The following ACO1 variants were observed in gnomAD, a reference collection of about 807,000 sequenced individuals.
ACO1 encodes the protein cytoplasmic aconitate hydratase.
A neutral mutation model predicts 105.1 loss-of-function variants in ACO1; 78 were observed. The ratio of observed to expected loss-of-function variants is 0.74; its 90% CI spans 0.62 to 0.90. The LOEUF (loss-of-function observed/expected upper bound fraction) is 0.90. Among genes scored for constraint, ACO1 ranks in the 40% least tolerant of loss-of-function variants. ACO1 has a pLI of 0.00. For missense variants in ACO1, 965 were observed against 1,111.1 expected, an observed-to-expected ratio of 0.87 and a Z score of 1.87; for synonymous variants, 364 against 397.4, an observed-to-expected ratio of 0.92 and a Z score of 1.00.
Position 32,404,373 on chromosome 9 carries a change from G to A in ACO1, c.-22-1112G>A, listed in dbSNP as rs151310639. On this transcript the variant is annotated intron_variant, in intron 1 of 20. Coordinates refer to ENST00000309951, the MANE Select transcript of ACO1 (RefSeq NM_002197.3). ...TTCAGTTTCTGCCATGCACTTGCCCGCCTGGTTACCTGCCACCTCTGGTCG... is the reference window on the plus strand; with the variant it reads ...TTCAGTTTCTGCCATGCACTTGCCCACCTGGTTACCTGCCACCTCTGGTCG... Among the ~76,000 whole-genome samples the A allele has an allele frequency of 2.2e-3, 332 of 152,062 alleles. 4 individuals are homozygous for A. Among genetic ancestry groups the A allele is most frequent in the African/African-American group, 7.2e-3 (299 of 41,462 alleles).
intron 2 of ACO1, 145 bp from the exon 3 acceptor site, chr9:32,407,116 A>G (rs1821628594): frequency 2.8e-6 from 2 of 726,830 alleles, no homozygotes. Context: ...ATATCCATGT[A>G]TTTTAAACTG....
At position 32,433,729 on chromosome 9, in the gene ACO1, C is replaced by T; in HGVS notation, c.1853C>T (p.Thr618Ile). 1 of 1,598,908 alleles carries T rather than the reference C, an allele frequency of 6.3e-7. No individual in the cohort carries two copies. The highest frequency in any genetic ancestry group is 8.5e-7 in the Non-Finnish European group (1 of 1,175,932). The change falls in exon 16 of 21, where the codon ACT (threonine) becomes ATT (isoleucine). Residue 618 changes from threonine (T) to isoleucine (I), a missense_variant and splice_region_variant. Coordinates refer to ENST00000309951, the MANE Select transcript of ACO1 (RefSeq NM_002197.3). ...TCTGCCTTTCTTTTCTTTTTTAAGA[C>T]TGTGAATGAAAGCTGGAATGCCTTA... ...MFKEVYQKIE[T>I]VNESWNALAT...
At chr9:32,422,915 G>A (rs984830675) in intron 8 of ACO1, among the ~76,000 whole-genome samples, 4 of 152,170 alleles carry the variant, frequency 2.6e-5, no homozygotes, top group Non-Finnish European at 4.4e-5. Flanking sequence ...GTTGGGATGC[G>A]TTTTAATTTT....
intron 2 of ACO1, 64 bp from the exon 3 acceptor site, chr9:32,407,197 G>T: frequency 6.8e-7 from 1 of 1,474,248 alleles, no homozygotes; most frequent in Non-Finnish European, 9.4e-7. Flanking sequence ...ATAGAGATTG[G>T]CCTTAAAGAG....
intron 1 of ACO1, among the ~76,000 whole-genome samples, chr9:32,385,896 TG>T (rs1281685716): frequency 6.6e-6 from 1 of 152,238 alleles, no homozygotes; most frequent in Non-Finnish European, 1.5e-5. Context: ...GCCTGCTTCT[TG>T]TTTGTGATCC....
chr9:32,391,122 A>T (rs1821259569), intron 1 of ACO1, among the ~76,000 whole-genome samples: 1 of 152,244 alleles, frequency 6.6e-6, no homozygotes, highest in Non-Finnish European at 1.5e-5. Context: ...TAGTTCCCAG[A>T]ATATGCAGTG....
chr9:32,436,527 T>C lies in ACO1; in HGVS notation c.2247+130T>C, dbSNP rs915689924. 3.8e-5 allele frequency: 40 copies of C among 1,041,182 alleles called. No homozygotes were observed. The African/African-American group carries it at 4.4e-4, about 12-fold the overall frequency. The allele number at this position is 1,041,182 out of a possible 1,614,324, so 64.5% of individuals were successfully genotyped here. On this transcript the variant is annotated intron_variant, in intron 18 of 20. Transcript: ENST00000309951. ...CTCCATCCTACCCTAACTACAGTCC[T>C]CCTTGCCAGGTGTCCATATGCATAG...
intron 11 of ACO1, among the ~76,000 whole-genome samples, chr9:32,426,411 C>T (rs1822099296): frequency 6.6e-6 from 1 of 152,188 alleles, no homozygotes; most frequent in African/African-American, 2.4e-5. Context: ...AGGGCACTGG[C>T]TGATAAAACC....
chr9:32,409,708 G>T lies in ACO1; in HGVS notation c.404+1057G>T, dbSNP rs983158083. Among the ~76,000 whole-genome samples, 15 of 152,038 alleles carry T rather than the reference G, an allele frequency of 9.9e-5. No individual in the cohort carries two copies. The East Asian group carries it at 2.9e-3, about 29-fold the overall frequency. ...TCTACAAATAACTTTTTAAAAATTA[G>T]CCATGTGTGGTGGTGTGTGCCTGTG... On this transcript the variant is annotated intron_variant, in intron 4 of 20. Transcript: ENST00000309951.
In ACO1 at chr9:32,449,221, C is replaced by CTAGCATCTTTT; in HGVS notation, c.2556+141_2556+151dup. ...GACTGCATTAGACTTAGGAGGCCTA[C>CTAGCATCTTTT]TAGCATCTTTTCTACCTGCCTTCAT... On this transcript the variant is annotated intron_variant, in intron 20 of 20. Coordinates refer to ENST00000309951, the MANE Select transcript of ACO1 (RefSeq NM_002197.3). 4.0e-6 allele frequency: 3 copies of CTAGCATCTTTT among 743,788 alleles called. No homozygotes were observed. The South Asian group carries it at 5.9e-5, about 15-fold the overall frequency. 46.1% of individuals were successfully genotyped at this position (743,788 alleles called of 1,614,324 possible). A position where few individuals can be genotyped will look rare whatever the true frequency, so the allele number is the denominator to read the frequency against.
At chr9:32,424,698 C>T (rs377094927) in intron 10 of ACO1, 33 bp downstream of exon 10, 192 of 1,406,108 alleles carry the variant, frequency 1.4e-4, no homozygotes, top group Non-Finnish European at 1.8e-4. Flanking sequence ...TGAATCCTCT[C>T]AACTCTACCT....
intron 7 of ACO1, among the ~76,000 whole-genome samples, chr9:32,419,983 T>C (rs1174021897): frequency 1.3e-5 from 2 of 152,262 alleles, no homozygotes; most frequent in African/African-American, 2.4e-5. Flanking sequence ...CTCTCTGATT[T>C]AATTTTTGTG....
In ACO1 at chr9:32,454,110, C is replaced by G. The variant is rs980971023; in HGVS notation, c.*3999C>G. ...TGTTAACAGTGTCCCCTGAGTAAAACAGTTCCACGGTCAGTACATTTGGGA... is the reference window on the plus strand; with the variant it reads ...TGTTAACAGTGTCCCCTGAGTAAAAGAGTTCCACGGTCAGTACATTTGGGA... On this transcript the variant is annotated 3_prime_UTR_variant, in exon 21 of 21. Coordinates refer to ENST00000309951, the MANE Select transcript of ACO1 (RefSeq NM_002197.3). The G allele has an allele frequency of 2.0e-5, 3 of 152,198 alleles. No homozygotes were observed. Among genetic ancestry groups the G allele is most frequent in the African/African-American group, 7.2e-5 (3 of 41,454 alleles). 9.4% of individuals were successfully genotyped at this position (152,198 alleles called of 1,614,324 possible).
intron 1 of ACO1, among the ~76,000 whole-genome samples, chr9:32,395,223 C>A (rs1254668389): frequency 6.6e-6 from 1 of 152,090 alleles, no homozygotes; most frequent in Non-Finnish European, 1.5e-5. Flanking sequence ...CACCTATAAC[C>A]CCAGCAATTT....
chr9:32,395,424 C>T (rs758990529), intron 1 of ACO1, among the ~76,000 whole-genome samples: 27 of 152,032 alleles, frequency 1.8e-4, no homozygotes, highest in African/African-American at 5.8e-4. Context: ...TGCAGTGAGC[C>T]GAGATTACGC....
intron 1 of ACO1, among the ~76,000 whole-genome samples, chr9:32,384,986 T>G (rs1821126137): frequency 6.6e-6 from 1 of 152,232 alleles, no homozygotes; most frequent in South Asian, 2.1e-4. Context: ...TCCTAGACCC[T>G]TCTTAGCCTT....
chr9:32,420,922 T>C lies in ACO1; in HGVS notation c.865T>C (p.Ser289Pro). ...CTTCGGGCCTGGAGTAGCCCAGTTG[T>C]CCATTGCTGACCGAGCTACGATTGC... ...EFFGPGVAQL[S>P]IADRATIANM... Residue 289 changes from serine (S) to proline (P), a missense_variant, in exon 8 of 21, where the codon TCC (serine) becomes CCC (proline). Coordinates refer to ENST00000309951, the MANE Select transcript of ACO1 (RefSeq NM_002197.3). 1 of 1,614,086 alleles carries C rather than the reference T, an allele frequency of 6.2e-7. No homozygotes were observed. Among genetic ancestry groups the C allele is most frequent in the Non-Finnish European group, 8.5e-7 (1 of 1,179,958 alleles).
In ACO1 at chr9:32,450,828, C is replaced by T. The variant is rs889654267; in HGVS notation, c.*717C>T. On this transcript the variant is annotated 3_prime_UTR_variant, in exon 21 of 21. Coordinates refer to ENST00000309951, the MANE Select transcript of ACO1 (RefSeq NM_002197.3). Reference sequence around the variant, plus strand: ...ATTTGAATGAAATGAAATCTATTTTCAGTGAAAACTTGTTGACTTTGAGTT... The same window carrying T: ...ATTTGAATGAAATGAAATCTATTTTTAGTGAAAACTTGTTGACTTTGAGTT... The T allele has an allele frequency of 1.3e-5, 2 of 152,150 alleles. No individual in the cohort carries two copies. Among genetic ancestry groups the T allele is most frequent in the African/African-American group, 2.4e-5 (1 of 41,414 alleles). 9.4% of individuals were successfully genotyped at this position (152,150 alleles called of 1,614,324 possible). A position where few individuals can be genotyped will look rare whatever the true frequency, so the allele number is the denominator to read the frequency against.
At chr9:32,394,263 G>T (rs1199728109) in intron 1 of ACO1, among the ~76,000 whole-genome samples, 1 of 152,024 alleles carries the variant, frequency 6.6e-6, no homozygotes, top group Non-Finnish European at 1.5e-5. Flanking sequence ...CTCCCCCTCT[G>T]ATGCTCTGAT....
Sources: allele counts gnomAD v4.1 joint callset (sites outside exome capture counted in the v4.1 genomes callset), GRCh38; gene constraint gnomAD v4.1.1; transcripts MANE v1.5; gene names NCBI Gene and HGNC (gene_info 2026-07-23, HGNC 2026-07-21).